Variants in SMC3 observed in about 807,000 individuals in gnomAD.
SMC3 encodes the protein structural maintenance of chromosomes protein 3.
In SMC3, 20 loss-of-function variants were observed where a neutral mutation model predicts 171.8. That is an observed-to-expected ratio of 0.12 (90% CI 0.08 to 0.17). The LOEUF (loss-of-function observed/expected upper bound fraction) is 0.17, where lower values mean the gene tolerates loss of function less well. SMC3 is among the 10% of genes least tolerant of loss of function. SMC3 has a pLI of 1.00. For missense variants in SMC3, 543 were observed against 1,420.4 expected, an observed-to-expected ratio of 0.38 and a Z score of 9.93; for synonymous variants, 464 against 451.1, an observed-to-expected ratio of 1.03 and a Z score of -0.36.
chr10:110,600,068 A>T (rs1177922059), intron 21 of SMC3, among the ~76,000 whole-genome samples: 3 of 152,210 alleles, frequency 2.0e-5, no homozygotes, highest in Admixed American at 6.5e-5. Flanking sequence ...AAGTATTGCT[A>T]TGAGTTTGAG....
At chr10:110,571,105 A>G (rs1010637417) in intron 2 of SMC3, among the ~76,000 whole-genome samples, 3 of 152,254 alleles carry the variant, frequency 2.0e-5, no homozygotes, top group Non-Finnish European at 2.9e-5. Context: ...TGGAAAAGCT[A>G]AAAGGAAGAA....
At position 110,604,341 on chromosome 10, in the gene SMC3, G is replaced by C; in HGVS notation, c.*39G>C. 2 of 1,394,752 alleles carry C rather than the reference G, an allele frequency of 1.4e-6. No individual in the cohort carries two copies. The highest frequency in any genetic ancestry group is 2.0e-6 in the Non-Finnish European group (2 of 982,322). The allele number at this position is 1,394,752 out of a possible 1,614,324, so 86.4% of individuals were successfully genotyped here. A position where few individuals can be genotyped will look rare whatever the true frequency, so the allele number is the denominator to read the frequency against. On this transcript the variant is annotated 3_prime_UTR_variant, in exon 29 of 29. Transcript: ENST00000361804. ...CCTACTGGTTTGGGAGATGTATATA[G>C]TAATATGATTCTCATACCCAGGAAC...
In SMC3 at chr10:110,567,696, T is replaced by C; in HGVS notation, c.-121T>C. ...CGCCCCCACGAGCGCCGCCATTTTG[T>C]TTGGCTGAGGGGAGCGAGCGGCGCT... On this transcript the variant is annotated 5_prime_UTR_variant, in exon 1 of 29. Transcript: ENST00000361804. 8.1e-7 allele frequency: 1 copy of C among 1,241,152 alleles called. No individual in the cohort carries two copies. Among genetic ancestry groups the C allele is most frequent in the Non-Finnish European group, 1.2e-6 (1 of 859,116 alleles). 76.9% of individuals were successfully genotyped at this position (1,241,152 alleles called of 1,614,324 possible).
chr10:110,578,602 A>G (rs754057128), intron 6 of SMC3, 26 bp from the exon 7 acceptor site: 1 of 1,556,812 alleles, frequency 6.4e-7, no homozygotes, highest in Non-Finnish European at 8.8e-7. Context: ...TATTTATCGG[A>G]AAGTAATTTC....
chr10:110,595,364 C>T (rs1198040688), intron 18 of SMC3, among the ~76,000 whole-genome samples: 3 of 152,126 alleles, frequency 2.0e-5, no homozygotes, highest in African/African-American at 7.2e-5. Context: ...CTGGATTTGT[C>T]TTATTGCTTC....
At chr10:110,567,882 C>T in intron 1 of SMC3, 51 bp downstream of exon 1, 2 of 1,608,790 alleles carry the variant, frequency 1.2e-6, no homozygotes, top group Non-Finnish European at 8.5e-7. Context: ...AGGGCCGCTC[C>T]TTGAGGCGGG....
chr10:110,590,325 A>C, intron 15 of SMC3, 87 bp from the exon 16 acceptor site: 3 of 1,141,690 alleles, frequency 2.6e-6, no homozygotes, highest in Non-Finnish European at 3.9e-6. Context: ...GTATATTTTT[A>C]AAATGTATGG....
chr10:110,596,193 G>T (rs889923420), intron 18 of SMC3, among the ~76,000 whole-genome samples: 2 of 134,212 alleles, frequency 1.5e-5, no homozygotes, highest in African/African-American at 2.8e-5. Flanking sequence ...CTGCACTCCA[G>T]CCTGAGCAAC....
rs1861003917 is a variant in SMC3 at position 110,579,748 on chromosome 10, C to T, written c.429+1042C>T. Among the ~76,000 whole-genome samples the T allele has an allele frequency of 3.3e-5, 5 of 152,126 alleles. No individual in the cohort carries two copies. The South Asian group carries it at 1.0e-3, about 32-fold the overall frequency. ...AAATAATTTTTAAGTGAGGAAATTG[C>T]ATGAACCAATATGTATAATTGGAGC... On this transcript the variant is annotated intron_variant, in intron 7 of 28. Transcript: ENST00000361804.
intron 10 of SMC3, 79 bp downstream of exon 10, chr10:110,582,721 T>A (rs1861050821): frequency 3.7e-6 from 4 of 1,068,838 alleles, no homozygotes; most frequent in African/African-American, 3.1e-5. Flanking sequence ...CAGGCTGGAG[T>A]ACAGTGGTGC....
Position 110,577,859 on chromosome 10 carries a change from C to T in SMC3, c.295C>T (p.Arg99Ter). 6.2e-7 allele frequency: 1 copy of T among 1,611,692 alleles called. No homozygotes were observed. Among genetic ancestry groups the T allele is most frequent in the Non-Finnish European group, 8.5e-7 (1 of 1,178,078 alleles). ...GATCGATAAAGAGGAAGTTTCACTT[C>T]GAAGAGTTATTGGTGCCAAAAAGGA... ...LPIDKEEVSL[R>*]RVIGAKKDQY... The change falls in exon 6 of 29, where the codon CGA becomes TGA. Residue 99 changes from arginine (R) to a stop codon, truncating the protein, a stop_gained. Transcript: ENST00000361804. LOFTEE classifies it high-confidence loss of function.
At chr10:110,601,346 A>AT (rs1479634466) in intron 23 of SMC3, among the ~76,000 whole-genome samples, 3 of 152,192 alleles carry the variant, frequency 2.0e-5, no homozygotes, top group African/African-American at 7.2e-5. Flanking sequence ...TAAATGATTC[A>AT]TTTTGTTGAT....
rs762419490 is a variant in SMC3 at position 110,600,543 on chromosome 10, A to G, written c.2532A>G (p.Glu844=). ...TGAGAAAACGCTTGGACCAAGTAGAACAGGTGTGTATGTGTTTTTTTTTTT... is the reference window on the plus strand; with the variant it reads ...TGAGAAAACGCTTGGACCAAGTAGAGCAGGTGTGTATGTGTTTTTTTTTTT... The part of the protein sequence containing the change: ...ENLRKRLDQV[E]QELNELRETE... Residue 844 remains glutamate, a synonymous_variant, in exon 22 of 29, where the codon GAA becomes GAG. Transcript: ENST00000361804. The G allele has an allele frequency of 1.8e-5, 27 of 1,517,988 alleles. No individual in the cohort carries two copies. The highest frequency in any genetic ancestry group is 1.7e-4 in the Middle Eastern group (1 of 5,898). The allele number at this position is 1,517,988 out of a possible 1,614,324, so 94.0% of individuals were successfully genotyped here.
chr10:110,594,138 G>C (rs1861256175), intron 18 of SMC3, among the ~76,000 whole-genome samples: 1 of 151,506 alleles, frequency 6.6e-6, no homozygotes, highest in South Asian at 2.1e-4. Flanking sequence ...CTTTTTTGCA[G>C]TGTGGACTGC....
intron 16 of SMC3, 52 bp from the exon 17 acceptor site, chr10:110,590,939 T>G (rs1378756931): frequency 6.4e-7 from 1 of 1,568,622 alleles, no homozygotes; most frequent in African/African-American, 1.3e-5. Context: ...TTGGGCAACA[T>G]AGGGAGACCC....
intron 3 of SMC3, among the ~76,000 whole-genome samples, chr10:110,574,499 C>T (rs141144870): frequency 2.0e-5 from 3 of 152,292 alleles, no homozygotes; most frequent in East Asian, 3.9e-4. Context: ...TCTGTGCACA[C>T]GAATCTGAAA....
chr10:110,591,601 C>T (rs1242546009), intron 17 of SMC3, among the ~76,000 whole-genome samples: 3 of 152,120 alleles, frequency 2.0e-5, no homozygotes, highest in South Asian at 2.1e-4. Flanking sequence ...TGATAGACTT[C>T]GGAAGCATAA....
At chr10:110,598,069 G>T (rs1029579971) in intron 19 of SMC3, 70 bp from the exon 20 acceptor site, 8 of 1,381,062 alleles carry the variant, frequency 5.8e-6, no homozygotes, top group Middle Eastern at 1.8e-4. Flanking sequence ...ACATGGTGTT[G>T]TGTCTAAAAA....
At chr10:110,569,230 TTATC>T (rs1860829828) in intron 2 of SMC3, among the ~76,000 whole-genome samples, 1 of 147,836 alleles carries the variant, frequency 6.8e-6, no homozygotes, top group Admixed American at 6.6e-5. Context: ...TATCCATTTT[TTATC>T]TAGGTAGCCT....
Sources: allele counts gnomAD v4.1 joint callset (sites outside exome capture counted in the v4.1 genomes callset), GRCh38; gene constraint gnomAD v4.1.1; transcripts MANE v1.5; gene names NCBI Gene and HGNC (gene_info 2026-07-23, HGNC 2026-07-21).